Variants in RAPGEF2 observed in about 807,000 individuals in gnomAD.
RAPGEF2 encodes the protein PDZ domain containing guanine nucleotide exchange factor (GEF) 1.
A neutral mutation model predicts 186.7 loss-of-function variants in RAPGEF2; 54 were observed. The observed-to-expected ratio is 0.29, with a 90% confidence interval of 0.23 to 0.36. RAPGEF2 has a LOEUF of 0.36. RAPGEF2 is among the 10% of genes least tolerant of loss of function. The pLI, the probability that RAPGEF2 is intolerant of heterozygous loss-of-function variation, is 1.00. For synonymous variants in RAPGEF2, 712 were observed against 705.9 expected (o/e 1.01, Z -0.14); for missense variants, 1,532 against 2,045.0 (o/e 0.75, Z 4.84).
chr4:159,251,809 T>A (rs756611071), intron 7 of RAPGEF2, among the ~76,000 whole-genome samples: 2 of 151,874 alleles, frequency 1.3e-5, no homozygotes, highest in Non-Finnish European at 2.9e-5. Flanking sequence ...CAGCAGGATG[T>A]GGGTGGGGTC....
intron 4 of RAPGEF2, among the ~76,000 whole-genome samples, chr4:159,224,636 C>T (rs1388021849): frequency 6.6e-6 from 1 of 152,024 alleles, no homozygotes; most frequent in African/African-American, 2.4e-5. Context: ...AAAAGCATAC[C>T]AGCAGGTGGT....
intron 7 of RAPGEF2, among the ~76,000 whole-genome samples, chr4:159,270,695 C>T (rs552253646): frequency 2.6e-5 from 4 of 152,168 alleles, no homozygotes; most frequent in East Asian, 3.9e-4. Flanking sequence ...AATAGACGTA[C>T]GATAAATACC....
chr4:159,339,087 T>TAA (rs771481449), intron 18 of RAPGEF2, 27 bp from the exon 19 acceptor site: 1 of 1,606,922 alleles, frequency 6.2e-7, no homozygotes, highest in East Asian at 2.2e-5. Flanking sequence ...TCTTTCTACT[T>TAA]ATGTGTGTGA....
chr4:159,114,808 A>G (rs1398072893), intron 1 of RAPGEF2, among the ~76,000 whole-genome samples: 3 of 152,166 alleles, frequency 2.0e-5, no homozygotes, highest in African/African-American at 7.2e-5. Context: ...GACCTTAAAA[A>G]TTCTTTAAAT....
At chr4:159,220,693 C>G (rs1751450369) in intron 4 of RAPGEF2, among the ~76,000 whole-genome samples, 2 of 152,162 alleles carry the variant, frequency 1.3e-5, no homozygotes, top group Non-Finnish European at 2.9e-5. Flanking sequence ...GAAGTCTACC[C>G]TTGTATTCCT....
chr4:159,131,453 T>C (rs1391011111), intron 1 of RAPGEF2, among the ~76,000 whole-genome samples: 1 of 151,932 alleles, frequency 6.6e-6, no homozygotes, highest in Non-Finnish European at 1.5e-5. Flanking sequence ...ATTGCTGATT[T>C]TGTCAGCAGA....
rs112865537 is a variant in RAPGEF2 at position 159,301,808 on chromosome 4, A to C, written c.544-2534A>C. On this transcript the variant is annotated intron_variant, in intron 7 of 29. Coordinates refer to ENST00000691494, the MANE Select transcript of RAPGEF2 (RefSeq NM_001394067.2). ...CAGGAGTTTAAGGCTACAGTGAGCT[A>C]TGATTGTGTCTCTACACTCTAGCCT... Among the ~76,000 whole-genome samples the C allele has an allele frequency of 1.6e-3, 245 of 152,330 alleles. 1 individual carries two copies. Among genetic ancestry groups the C allele is most frequent in the African/African-American group, 5.0e-3 (208 of 41,564 alleles).
rs180707597 is a variant in RAPGEF2 at position 159,331,784 on chromosome 4, T to C, written c.1730T>C (p.Val577Ala). ...EKGFGIFVDS[V>A]DSGSKATEAG... ...GGATTTGGAATCTTTGTTGACAGTG[T>C]AGATTCAGGTAGCAAAGCAACTGAA... is the stretch of plus-strand genomic sequence containing the variant. Residue 577 changes from valine (V) to alanine (A), a missense_variant, in exon 15 of 30, where the codon GTA becomes GCA. Transcript: ENST00000691494. 13 of 1,614,128 alleles carry C rather than the reference T, an allele frequency of 8.1e-6. No individual in the cohort carries two copies. The East Asian group carries it at 2.2e-4, about 28-fold the overall frequency.
At chr4:159,139,712 A>G (rs943815618) in intron 1 of RAPGEF2, among the ~76,000 whole-genome samples, 2 of 152,170 alleles carry the variant, frequency 1.3e-5, no homozygotes, top group African/African-American at 4.8e-5. Context: ...GTGGTTTGTT[A>G]AGAGATTTCC....
At chr4:159,157,578 A>T (rs1020033470) in intron 1 of RAPGEF2, among the ~76,000 whole-genome samples, 1 of 152,164 alleles carries the variant, frequency 6.6e-6, no homozygotes, top group African/African-American at 2.4e-5. Context: ...ATGGCTTTTT[A>T]AAAGAACATG....
In RAPGEF2 at chr4:159,103,137, AG is replaced by A. The variant is rs1323863159; in HGVS notation, c.-1022del. 3 of 152,060 alleles carry A rather than the reference AG, an allele frequency of 2.0e-5. No homozygotes were observed. The highest frequency in any genetic ancestry group is 7.3e-5 in the African/African-American group (3 of 41,378). The allele number at this position is 152,060 out of a possible 1,614,324, so 9.4% of individuals were successfully genotyped here. ...GAGGAGGAAGAGGCGGAGGAAGAGG[AG>A]GGGAATCGCCGCTTCCCAAACACTC... On this transcript the variant is annotated 5_prime_UTR_variant, in exon 1 of 30. Transcript: ENST00000691494.
intron 1 of RAPGEF2, among the ~76,000 whole-genome samples, chr4:159,105,033 A>G (rs1003536749): frequency 2.0e-5 from 3 of 152,094 alleles, no homozygotes; most frequent in Non-Finnish European, 2.9e-5. Flanking sequence ...ACCTTTATAC[A>G]TTTGTTTACC....
chr4:159,270,551 AT>A (rs201249014), intron 7 of RAPGEF2, among the ~76,000 whole-genome samples: 3 of 151,698 alleles, frequency 2.0e-5, no homozygotes, highest in Non-Finnish European at 4.4e-5. Flanking sequence ...GGGTGGGGGC[AT>A]TTTTTTTAGC....
At chr4:159,309,213 C>G (rs111392986) in intron 8 of RAPGEF2, among the ~76,000 whole-genome samples, 1,776 of 152,294 alleles carry the variant, frequency 0.012, 25 homozygotes, top group Non-Finnish European at 0.018. Flanking sequence ...CCTTTGTTTT[C>G]AAGTGTCATC....
intron 1 of RAPGEF2, among the ~76,000 whole-genome samples, chr4:159,182,056 A>G (rs984777085): frequency 5.3e-5 from 8 of 152,204 alleles, no homozygotes; most frequent in Non-Finnish European, 4.4e-5. Flanking sequence ...AGGAATGTAC[A>G]CTTTGTTAAC....
intron 1 of RAPGEF2, among the ~76,000 whole-genome samples, chr4:159,112,280 C>T (rs1286430067): frequency 6.6e-6 from 1 of 151,918 alleles, no homozygotes; most frequent in African/African-American, 2.4e-5. Flanking sequence ...TGTGATAATG[C>T]GTATAAATAT....
At chr4:159,345,016 T>C in intron 23 of RAPGEF2, 90 bp from the exon 24 acceptor site, 5 of 1,028,632 alleles carry the variant, frequency 4.9e-6, no homozygotes, top group East Asian at 2.4e-5. Context: ...CTTTTGAACA[T>C]AGACTATTAA....
rs1448357928 is a variant in RAPGEF2, at chr4:159,332,444, A to G, written c.1889-7A>G. Reference sequence around the variant, plus strand: ...TTACGTGGTGTTTCTGTTTTCATTTATTTTAGTATTTAAAGAACTTCTAAC... The same window carrying G: ...TTACGTGGTGTTTCTGTTTTCATTTGTTTTAGTATTTAAAGAACTTCTAAC... On this transcript the variant is annotated splice_region_variant and splice_polypyrimidine_tract_variant and intron_variant, in intron 16 of 29. Transcript: ENST00000691494. The G allele has an allele frequency of 2.5e-6, 4 of 1,606,608 alleles. No homozygotes were observed. The highest frequency in any genetic ancestry group is 1.7e-4 in the Middle Eastern group (1 of 6,010).
chr4:159,342,069 A>G (rs780800018), intron 20 of RAPGEF2, 122 bp downstream of exon 20: 1 of 998,050 alleles, frequency 1.0e-6, no homozygotes, highest in African/African-American at 1.6e-5. Flanking sequence ...ATAAGAGACA[A>G]TTCTTTTTCT....
Sources: gnomAD v4.1 joint callset for allele counts (sites outside exome capture counted in the v4.1 genomes callset) on GRCh38, gnomAD v4.1.1 for gene constraint, MANE v1.5 for transcripts, NCBI Gene and HGNC (gene_info 2026-07-23, HGNC 2026-07-21) for gene names.